The following DZANK1 variants were observed in gnomAD, a reference collection of about 807,000 sequenced individuals.
The protein encoded by DZANK1 is double zinc ribbon and ankyrin repeat-containing protein 1.
Under a neutral mutation model 94.5 loss-of-function variants are expected in DZANK1, and 91 were observed. The ratio of observed to expected loss-of-function variants is 0.96; its 90% CI spans 0.81 to 1.15. DZANK1 has a LOEUF of 1.15. Ranked by LOEUF, DZANK1 falls within the 50% of genes most tolerant of loss-of-function variation. The pLI, the probability that DZANK1 is intolerant of heterozygous loss-of-function variation, is 0.00. For synonymous variants in DZANK1, 312 were observed against 325.3 expected, an observed-to-expected ratio of 0.96 and a Z score of 0.44; for missense variants, 903 against 916.4, an observed-to-expected ratio of 0.99 and a Z score of 0.19.
chr20:18,415,640 C>T (rs1414362143), intron 10 of DZANK1, among the ~76,000 whole-genome samples, 191 bp from the exon 11 acceptor site: 1 of 152,062 alleles, frequency 6.6e-6, no homozygotes, highest in Non-Finnish European at 1.5e-5. Flanking sequence ...TAAATTAGTA[C>T]ATAGAGCTCA....
intron 7 of DZANK1, among the ~76,000 whole-genome samples, chr20:18,446,171 G>A (rs1253093046): frequency 1.8e-4 from 27 of 152,186 alleles, no homozygotes; most frequent in Admixed American, 1.8e-3. Context: ...CTTGAATCCA[G>A]GAGTTTGAGG....
At chr20:18,430,351 C>T (rs2058234494) in intron 9 of DZANK1, among the ~76,000 whole-genome samples, 1 of 152,160 alleles carries the variant, frequency 6.6e-6, no homozygotes, top group African/African-American at 2.4e-5. Context: ...GTATTTCAGA[C>T]CTAAGCCTCA....
At chr20:18,387,248 T>C (rs2048553348) in intron 19 of DZANK1, among the ~76,000 whole-genome samples, 1 of 152,208 alleles carries the variant, frequency 6.6e-6, no homozygotes, top group Non-Finnish European at 1.5e-5. Flanking sequence ...GTTCATTCTA[T>C]GTATTGCATG....
exon 4 of DZANK1, chr20:18,455,360 C>A (rs2148779133): frequency 6.3e-7 from 1 of 1,588,094 alleles, no homozygotes; most frequent in Non-Finnish European, 8.6e-7. Flanking sequence ...TGTCTGCAGT[C>A]TCTGAAAATT....
rs373048887 is a variant in DZANK1, at chr20:18,440,431, T to A, written c.747+2916A>T. On this transcript the variant is annotated intron_variant, in intron 8 of 20. Transcript: ENST00000262547. ...ATGAATTTATACCAATTTCAAGTCA[T>A]ATTGTCTTCATTTAAAATCTAATCC... 8.7e-4 allele frequency among the ~76,000 whole-genome samples: 133 copies of A among 152,328 alleles called. No homozygotes were observed. In the South Asian group the frequency reaches 0.025, roughly 29 times the overall value.
chr20:18,412,645 C>A lies in DZANK1; in HGVS notation c.1432+1G>T. The A allele has an allele frequency of 1.2e-6, 2 of 1,612,472 alleles. No individual in the cohort carries two copies. Among genetic ancestry groups the A allele is most frequent in the Non-Finnish European group, 1.7e-6 (2 of 1,179,684 alleles). ...AGAAGAAAGGGCATCCTCCCCCTTACCTCTTCCTGGGCTGATGGCTGTCAG... is the reference window on the plus strand; with the variant it reads ...AGAAGAAAGGGCATCCTCCCCCTTAACTCTTCCTGGGCTGATGGCTGTCAG... On this transcript the variant is annotated splice_donor_variant, in intron 13 of 20. Transcript: ENST00000262547. LOFTEE classifies it high-confidence loss of function.
intron 3 of DZANK1, among the ~76,000 whole-genome samples, chr20:18,455,622 T>C (rs776586446): frequency 6.6e-6 from 1 of 152,232 alleles, no homozygotes; most frequent in African/African-American, 2.4e-5. Flanking sequence ...TGGGTAGGTC[T>C]CATTTGAGCT....
At chr20:18,403,055 C>T (rs371864390) in intron 13 of DZANK1, among the ~76,000 whole-genome samples, 1 of 152,172 alleles carries the variant, frequency 6.6e-6, no homozygotes, top group Non-Finnish European at 1.5e-5. Flanking sequence ...CCTCAGAGTT[C>T]CCAAAGGGGT....
chr20:18,409,692 T>A (rs1441047967), intron 13 of DZANK1, among the ~76,000 whole-genome samples: 1 of 152,110 alleles, frequency 6.6e-6, no homozygotes. Context: ...AGAGAGTATG[T>A]AAAACAATAT....
intron 8 of DZANK1, 32 bp downstream of exon 8, chr20:18,443,315 T>C (rs1229353458): frequency 5.2e-6 from 7 of 1,355,874 alleles, no homozygotes; most frequent in South Asian, 2.5e-5. Context: ...GATCAACCAA[T>C]GAAAGATGTT....
chr20:18,456,907 T>C (rs1219640896), intron 3 of DZANK1, among the ~76,000 whole-genome samples: 6 of 152,192 alleles, frequency 3.9e-5, no homozygotes, highest in African/African-American at 1.4e-4. Flanking sequence ...CGTTTTCATT[T>C]CTCTTCAATA....
chr20:18,397,725 TG>T (rs2056426947), intron 14 of DZANK1, among the ~76,000 whole-genome samples: 1 of 152,130 alleles, frequency 6.6e-6, no homozygotes, highest in Non-Finnish European at 1.5e-5. Flanking sequence ...GTTGGATGTC[TG>T]GGGGCGGGAA....
At chr20:18,392,726 G>A (rs1181257068) in intron 17 of DZANK1, among the ~76,000 whole-genome samples, 3 of 152,174 alleles carry the variant, frequency 2.0e-5, no homozygotes, top group Non-Finnish European at 2.9e-5. Context: ...ACTGACCATC[G>A]GTGAATTAGT....
intron 10 of DZANK1, among the ~76,000 whole-genome samples, chr20:18,417,679 A>G (rs2057553999): frequency 6.6e-6 from 1 of 152,216 alleles, no homozygotes; most frequent in Non-Finnish European, 1.5e-5. Context: ...AAAGAAACAC[A>G]TCGTATGTAA....
At chr20:18,456,665 C>T (rs2059303275) in intron 3 of DZANK1, among the ~76,000 whole-genome samples, 1 of 151,806 alleles carries the variant, frequency 6.6e-6, no homozygotes, top group African/African-American at 2.4e-5. Context: ...TGTAATTATA[C>T]ATATGTGGTC....
At chr20:18,424,204 C>T (rs927227239) in intron 10 of DZANK1, among the ~76,000 whole-genome samples, 1 of 152,136 alleles carries the variant, frequency 6.6e-6, no homozygotes, top group Non-Finnish European at 1.5e-5. Flanking sequence ...AATCCCAGCA[C>T]TTTGGGAGGC....
intron 6 of DZANK1, chr20:18,452,042 T>C (rs935178643): frequency 1.6e-5 from 7 of 431,796 alleles, no homozygotes; most frequent in Middle Eastern, 3.6e-4. Flanking sequence ...CTCTCAACCA[T>C]ACCTGACCGT....
At chr20:18,439,967 T>C (rs2058668608) in intron 8 of DZANK1, among the ~76,000 whole-genome samples, 1 of 152,044 alleles carries the variant, frequency 6.6e-6, no homozygotes, top group African/African-American at 2.4e-5. Flanking sequence ...AAGGAGGTAA[T>C]TAAGGTTAAA....
rs1399154095 is a variant in DZANK1 at position 18,454,022 on chromosome 20, C to T, written c.379-195G>A. On this transcript the variant is annotated intron_variant, in intron 4 of 20. Transcript: ENST00000262547. ...CTGGACTGGGCTGCTCAGCTGGCAG[C>T]ACATCTGGATGTAGCCCTCACCAGG... The T allele has an allele frequency of 7.3e-6, 5 of 687,740 alleles. No homozygotes were observed. In the African/African-American group the frequency reaches 8.7e-5, roughly 12 times the overall value. The allele number at this position is 687,740 out of a possible 1,614,324, so 42.6% of individuals were successfully genotyped here.
Sources: gnomAD v4.1 joint callset for allele counts (sites outside exome capture counted in the v4.1 genomes callset) on GRCh38, gnomAD v4.1.1 for gene constraint, MANE v1.5 for transcripts, NCBI Gene and HGNC (gene_info 2026-07-23, HGNC 2026-07-21) for gene names.